PAK4: variants seen among roughly 807,000 people sequenced by gnomAD.
PAK4 encodes p21 (RAC1) activated kinase 4.
PAK4 carries 49 observed loss-of-function variants against 53.5 expected under a neutral mutation model. The ratio of observed to expected loss-of-function variants is 0.92; its 90% CI spans 0.73 to 1.16. PAK4 has a LOEUF of 1.16. Among genes scored for constraint, PAK4 ranks in the 50% most tolerant of loss-of-function variants. The pLI is 0.00. For synonymous variants in PAK4, 376 were observed against 375.6 expected, an observed-to-expected ratio of 1.00 and a Z score of -0.01; for missense variants, 824 against 850.7, an observed-to-expected ratio of 0.97 and a Z score of 0.39.
chr19:39,181,487 C>A (rs919077103), downstream of PAK4: 1 of 152,424 alleles, frequency 6.6e-6, no homozygotes, highest in Non-Finnish European at 1.5e-5. Flanking sequence ...GCTGCTGCCA[C>A]CTGTGTGGCT....
chr19:39,142,434 G>GT (rs1330204426), intron 1 of PAK4, among the ~76,000 whole-genome samples: 1 of 152,016 alleles, frequency 6.6e-6, no homozygotes, highest in South Asian at 2.1e-4. Context: ...TAAAAATTAA[G>GT]TTTTTTTTAA....
chr19:39,176,558 C>T (rs758105377), intron 6 of PAK4, 32 bp from the exon 8 acceptor site: 5 of 1,613,146 alleles, frequency 3.1e-6, no homozygotes, highest in Middle Eastern at 1.6e-4. Flanking sequence ...TGTGCCAGCT[C>T]CTCTGACCCC....
intron 1 of PAK4, among the ~76,000 whole-genome samples, chr19:39,162,637 A>G (rs1472762755): frequency 1.3e-5 from 2 of 152,076 alleles, no homozygotes; most frequent in African/African-American, 2.4e-5. Context: ...GTTATTTTCT[A>G]TGTCAGCATT....
In PAK4 at chr19:39,161,880, C is replaced by T. The variant is rs569860259; in HGVS notation, c.-22-7652C>T. ...CCTCCAGAGCCCTACATGGCTCCCT[C>T]TCCCCTCCTCACGCAGGTCCCTGCT... On this transcript the variant is annotated intron_variant, in intron 1 of 8. Transcript: ENST00000358301. This position sits in a 1 kb window ranked among gnomAD's most constrained non-coding sequence, Gnocchi z 4.5. 3.9e-5 allele frequency among the ~76,000 whole-genome samples: 6 copies of T among 152,146 alleles called. No individual in the cohort carries two copies. The highest frequency in any genetic ancestry group is 8.8e-5 in the Non-Finnish European group (6 of 68,032).
At chr19:39,131,955 A>C (rs1033440135) in intron 1 of PAK4, among the ~76,000 whole-genome samples, 10 of 152,138 alleles carry the variant, frequency 6.6e-5, no homozygotes, top group Non-Finnish European at 1.5e-4. Flanking sequence ...GCTTAGCCCG[A>C]TGCTCAGCAC....
intron 1 of PAK4, among the ~76,000 whole-genome samples, chr19:39,144,099 G>A (rs1290566251): frequency 1.0e-5 from 1 of 97,112 alleles, no homozygotes; most frequent in Non-Finnish European, 2.3e-5. Context: ...ATCTCAGGTA[G>A]ATAGATAGAT....
At chr19:39,129,384 G>A (rs2073657395) in intron 1 of PAK4, among the ~76,000 whole-genome samples, 1 of 152,000 alleles carries the variant, frequency 6.6e-6, no homozygotes, top group Admixed American at 6.5e-5. Context: ...TGCAGCAGTG[G>A]GCCTTCTGGA....
chr19:39,131,603 G>A (rs12327657), intron 1 of PAK4, among the ~76,000 whole-genome samples: 37,571 of 152,116 alleles, frequency 0.25, 4,764 homozygotes, highest in Middle Eastern at 0.37. Flanking sequence ...TGGAGGGGCC[G>A]AGGAGGGTGA....
At chr19:39,159,589 T>C (rs950845574) in intron 1 of PAK4, among the ~76,000 whole-genome samples, 12 of 152,308 alleles carry the variant, frequency 7.9e-5, no homozygotes, top group African/African-American at 2.6e-4. Context: ...GGTTTTGCCA[T>C]GTTGGCCAGG....
intron 1 of PAK4, among the ~76,000 whole-genome samples, chr19:39,142,370 A>G (rs1279851281): frequency 6.6e-6 from 1 of 152,190 alleles, no homozygotes; most frequent in East Asian, 1.9e-4. Context: ...GGTTGCTTGG[A>G]TGAGCATCAG....
At chr19:39,143,470 G>GT (rs2073943941) in intron 1 of PAK4, among the ~76,000 whole-genome samples, 1 of 151,528 alleles carries the variant, frequency 6.6e-6, no homozygotes, top group Non-Finnish European at 1.5e-5. Context: ...GCAGGTGCCT[G>GT]TAATCCCAGC....
chr19:39,173,615 G>A lies in PAK4; in HGVS notation c.703G>A (p.Gly235Arg), dbSNP rs1275720243. 1 of 1,536,162 alleles carries A rather than the reference G, an allele frequency of 6.5e-7. No individual in the cohort carries two copies. Among genetic ancestry groups the A allele is most frequent in the African/African-American group, 1.4e-5 (1 of 72,286 alleles). Residue 235 changes from glycine (G) to arginine (R), a missense_variant, in exon 4 of 9, where the codon GGG becomes AGG. Transcript: ENST00000358301. This position sits in a 1 kb window ranked among gnomAD's most constrained non-coding sequence, Gnocchi z 6.9. ...CGTGGCCCCTAACGGGCCATCAGCG[G>A]GGGGCCTGGCCATCCCCCAGTCCTC...
intron 6 of PAK4, 130 bp from the exon 8 acceptor site, chr19:39,176,460 C>G (rs1413126385): frequency 7.9e-7 from 1 of 1,266,502 alleles, no homozygotes; most frequent in Non-Finnish European, 1.1e-6. Flanking sequence ...CCAGCTCTGA[C>G]CCTAGACCCC....
chr19:39,139,732 G>A (rs1053225834), intron 1 of PAK4, among the ~76,000 whole-genome samples: 7 of 152,142 alleles, frequency 4.6e-5, no homozygotes, highest in Admixed American at 6.5e-5. Flanking sequence ...CTTTGGCTGC[G>A]CCTTAGGGTC....
At position 39,165,182 on chromosome 19, in the gene PAK4, T is replaced by G. The variant is rs1378254274; in HGVS notation, c.-22-4350T>G. Among the ~76,000 whole-genome samples the G allele has an allele frequency of 5.1e-5, 7 of 138,372 alleles. No homozygotes were observed. In the East Asian group the frequency reaches 8.7e-4, roughly 17 times the overall value. 90.8% of individuals were successfully genotyped at this position (138,372 alleles called of 152,430 possible). The stretch of plus-strand genomic sequence containing the variant: ...GAGGCCAGGACCAGCCTTGAGAGGA[T>G]GATGATGATGATGATAATAATAATA... On this transcript the variant is annotated intron_variant, in intron 1 of 8. Transcript: ENST00000358301.
chr19:39,182,496 G>C (rs1366163846), downstream of PAK4: 1 of 152,174 alleles, frequency 6.6e-6, no homozygotes, highest in Non-Finnish European at 1.5e-5. Flanking sequence ...GTGTACAAGG[G>C]CTTCATATAC....
Position 39,147,247 on chromosome 19 carries a change from G to A in PAK4, c.-23+21328G>A, listed in dbSNP as rs184634364. On this transcript the variant is annotated intron_variant, in intron 1 of 8. Transcript: ENST00000358301. ...GATTTTGTCAATTCAAGAATGTTATGTAAATGGAGCCACCCAGTATGCACC... is the reference window on the plus strand; with the variant it reads ...GATTTTGTCAATTCAAGAATGTTATATAAATGGAGCCACCCAGTATGCACC... Among the ~76,000 whole-genome samples the A allele has an allele frequency of 1.2e-4, 18 of 152,232 alleles. No homozygotes were observed. The East Asian group carries it at 1.9e-3, about 16-fold the overall frequency.
At chr19:39,174,722 A>AG (rs1041232675) in intron 4 of PAK4, among the ~76,000 whole-genome samples, 2 of 151,918 alleles carry the variant, frequency 1.3e-5, no homozygotes, top group East Asian at 1.9e-4. Context: ...GCGTGTGCCC[A>AG]GGGGGGCGCG....
At chr19:39,171,699 C>G (rs2074483598) in intron 2 of PAK4, among the ~76,000 whole-genome samples, 1 of 152,230 alleles carries the variant, frequency 6.6e-6, no homozygotes, top group African/African-American at 2.4e-5. Flanking sequence ...CAGCCCCAGG[C>G]AGGGTCCGGG....
Sources: gnomAD v4.1 joint callset for allele counts (sites outside exome capture counted in the v4.1 genomes callset) on GRCh38, gnomAD v4.1.1 for gene constraint, Gnocchi (gnomAD v3.1) non-coding constraint, MANE v1.5 for transcripts, NCBI Gene and HGNC (gene_info 2026-07-23, HGNC 2026-07-21) for gene names.